The following TYW1B variants were observed in gnomAD, a reference collection of about 807,000 sequenced individuals.
TYW1B encodes S-adenosyl-L-methionine-dependent tRNA 4-demethylwyosine synthase TYW1B.
A neutral mutation model predicts 86.9 loss-of-function variants in TYW1B; 73 were observed. That is an observed-to-expected ratio of 0.84 (90% confidence interval 0.70 to 1.02). The LOEUF (loss-of-function observed/expected upper bound fraction) is 1.02. TYW1B is among the 50% of genes least tolerant of loss of function. The probability of loss-of-function intolerance (pLI) is 0.00; values close to 1 mark genes in which losing one functional copy is unlikely to be tolerated. For synonymous variants in TYW1B, 248 were observed against 292.8 expected (o/e 0.85, Z 1.56); for missense variants, 637 against 827.4 (o/e 0.77, Z 2.82).
chr7:72,674,542 T>C (rs555817215), intron 11 of TYW1B, among the ~76,000 whole-genome samples: 73 of 152,106 alleles, frequency 4.8e-4, no homozygotes, highest in Admixed American at 3.9e-3. Context: ...AATCTTTCCA[T>C]ATAGAGAAGC....
intron 9 of TYW1B, among the ~76,000 whole-genome samples, chr7:72,719,158 T>C (rs1350638361): frequency 6.6e-6 from 1 of 152,062 alleles, no homozygotes; most frequent in Non-Finnish European, 1.5e-5. Flanking sequence ...ATTATTATTT[T>C]TTTTTTTTTA....
chr7:72,688,188 T>A (rs1204131019), intron 11 of TYW1B, among the ~76,000 whole-genome samples: 1 of 152,238 alleles, frequency 6.6e-6, no homozygotes, highest in African/African-American at 2.4e-5. Context: ...TGGTAAAGTA[T>A]GAGTCATTTT....
intron 9 of TYW1B, among the ~76,000 whole-genome samples, chr7:72,718,867 C>T (rs1486142453): frequency 1.3e-5 from 2 of 152,126 alleles, no homozygotes; most frequent in Non-Finnish European, 2.9e-5. Flanking sequence ...GAAGGAGCAT[C>T]GGCTAGGCCC....
At chr7:72,789,434 C>T (rs1788182649) in intron 6 of TYW1B, among the ~76,000 whole-genome samples, 1 of 152,168 alleles carries the variant, frequency 6.6e-6, no homozygotes, top group Non-Finnish European at 1.5e-5. Context: ...CCAAGCCCGG[C>T]CCGAGTATTT....
At chr7:72,741,424 C>A (rs1554462367) in intron 8 of TYW1B, among the ~76,000 whole-genome samples, 1 of 151,656 alleles carries the variant, frequency 6.6e-6, no homozygotes, top group African/African-American at 2.4e-5. Context: ...ATTATCTTGC[C>A]TAAGTAGAAA....
At chr7:72,663,202 T>G (rs73372869) in intron 11 of TYW1B, among the ~76,000 whole-genome samples, 121,360 of 143,302 alleles carry the variant, frequency 0.85, 51,384 homozygotes, top group Middle Eastern at 0.88. Context: ...TGTGGGGGGG[T>G]TGGCGGCACG....
chr7:72,667,257 T>C (rs1367451309), intron 11 of TYW1B, among the ~76,000 whole-genome samples: 4 of 152,120 alleles, frequency 2.6e-5, no homozygotes, highest in African/African-American at 4.8e-5. Context: ...CTCTCATCAT[T>C]GACTGATTAT....
intron 13 of TYW1B, among the ~76,000 whole-genome samples, chr7:72,611,629 G>C (rs782337544): frequency 6.7e-6 from 1 of 148,200 alleles, no homozygotes; most frequent in Non-Finnish European, 1.5e-5. Context: ...ACCCAGTCTC[G>C]GGTATGTCTT....
intron 10 of TYW1B, among the ~76,000 whole-genome samples, chr7:72,703,014 A>ATTTTTTTTTTTTT (rs1814516950): frequency 2.0e-5 from 1 of 49,006 alleles, no homozygotes. Flanking sequence ...ATATATATAT[A>ATTTTTTTTTTTTT]TATATATATA....
At chr7:72,749,724 C>CT (rs1170711681) in intron 7 of TYW1B, among the ~76,000 whole-genome samples, 319 of 140,656 alleles carry the variant, frequency 2.3e-3, no homozygotes, top group South Asian at 3.9e-3. Context: ...CTTCCATTTT[C>CT]TTTTTTTTTT....
At chr7:72,674,849 G>A (rs545525899) in intron 11 of TYW1B, among the ~76,000 whole-genome samples, 16 of 147,154 alleles carry the variant, frequency 1.1e-4, no homozygotes, top group African/African-American at 3.8e-4. Flanking sequence ...CTTCCACCTC[G>A]GCCTCCCAAA....
In TYW1B at chr7:72,738,918, A is replaced by AT. The variant is rs1452236340; in HGVS notation, c.1082+5565_1082+5566insA. Among the ~76,000 whole-genome samples the AT allele has an allele frequency of 3.3e-3, 501 of 150,302 alleles. 3 individuals are homozygous for AT. Among genetic ancestry groups the AT allele is most frequent in the African/African-American group, 8.5e-3 (349 of 41,042 alleles). On this transcript the variant is annotated intron_variant, in intron 8 of 13. Transcript: ENST00000620995. ...AGACCCTGTCTCTATCAAAAAAAAAAAAAAATAATAATAATAAACTGGATA... is the reference window on the plus strand; with the variant it reads ...AGACCCTGTCTCTATCAAAAAAAAAATAAAAATAATAATAATAAACTGGATA...
At chr7:72,629,028 T>C in intron 11 of TYW1B, 31 bp from the exon 12 acceptor site, 1 of 1,568,968 alleles carries the variant, frequency 6.4e-7, no homozygotes. Flanking sequence ...ACTTCGTTGT[T>C]ATCTTGGTGG....
chr7:72,760,487 A>G (rs1432557357), intron 7 of TYW1B, among the ~76,000 whole-genome samples: 1 of 152,186 alleles, frequency 6.6e-6, no homozygotes, highest in Non-Finnish European at 1.5e-5. Flanking sequence ...AAAAATGAAA[A>G]CTATAAGATC....
chr7:72,809,897 G>A (rs1788570501), intron 4 of TYW1B, among the ~76,000 whole-genome samples: 1 of 151,874 alleles, frequency 6.6e-6, no homozygotes, highest in East Asian at 1.9e-4. Context: ...CTACTCGGGA[G>A]GCTGATAAAT....
At chr7:72,664,212 C>A (rs1554444898) in intron 11 of TYW1B, among the ~76,000 whole-genome samples, 1 of 152,130 alleles carries the variant, frequency 6.6e-6, no homozygotes, top group Non-Finnish European at 1.5e-5. Context: ...ACTTTGGTAA[C>A]AGGCATCAAT....
intron 13 of TYW1B, among the ~76,000 whole-genome samples, chr7:72,589,769 G>C (rs1354650095): frequency 6.6e-6 from 1 of 152,150 alleles, no homozygotes; most frequent in Non-Finnish European, 1.5e-5. Flanking sequence ...TCGGCTACTT[G>C]GGAGGCTGAG....
chr7:72,800,264 C>T (rs1788382172), intron 6 of TYW1B, among the ~76,000 whole-genome samples: 1 of 151,144 alleles, frequency 6.6e-6, no homozygotes, highest in African/African-American at 2.4e-5. Flanking sequence ...GTGACATGAT[C>T]ACAGCTCACT....
intron 11 of TYW1B, among the ~76,000 whole-genome samples, chr7:72,635,694 C>T (rs1470397893): frequency 2.0e-5 from 3 of 152,212 alleles, no homozygotes; most frequent in African/African-American, 7.2e-5. Context: ...TAAACGTATA[C>T]AACCCTTTAT....
Sources: gnomAD v4.1 joint callset for allele counts (sites outside exome capture counted in the v4.1 genomes callset) on GRCh38, gnomAD v4.1.1 for gene constraint, MANE v1.5 for transcripts, NCBI Gene and HGNC (gene_info 2026-07-23, HGNC 2026-07-21) for gene names.